AKAP13: variants seen among roughly 807,000 people sequenced by gnomAD.
The protein encoded by AKAP13 is A-kinase anchor protein 13.
Under a neutral mutation model 264.5 loss-of-function variants are expected in AKAP13, and 80 were observed. The ratio of observed to expected loss-of-function variants is 0.30; its 90% confidence interval spans 0.25 to 0.36. AKAP13 has a LOEUF of 0.36. Among genes scored for constraint, AKAP13 ranks in the 10% least tolerant of loss-of-function variants. AKAP13 has a pLI of 1.00. For missense variants in AKAP13, 3,712 were observed against 3,435.2 expected, an observed-to-expected ratio of 1.08 and a Z score of -2.01; for synonymous variants, 1,380 against 1,250.2, an observed-to-expected ratio of 1.10 and a Z score of -2.19.
At chr15:85,692,767 G>A (rs193302551) in intron 16 of AKAP13, among the ~76,000 whole-genome samples, 17 of 152,226 alleles carry the variant, frequency 1.1e-4, no homozygotes, top group African/African-American at 1.4e-4. Context: ...TACATACTCC[G>A]TCACTTAGGG....
At position 85,396,023 on chromosome 15, in the gene AKAP13, C is replaced by CAT. The variant is rs1399587188; in HGVS notation, c.-12+15226_-12+15227insTA. Among the ~76,000 whole-genome samples, 5 of 42,892 alleles carry CAT rather than the reference C, an allele frequency of 1.2e-4. No homozygotes were observed. In the South Asian group the frequency reaches 1.3e-3, roughly 11 times the overall value. 28.1% of individuals were successfully genotyped at this position (42,892 alleles called of 152,430 possible). On this transcript the variant is annotated intron_variant, in intron 1 of 36. Transcript: ENST00000394518. ...ATGAATTTTTGACTATACATACATA[C>CAT]ACACACACACACACACACACATACA... is the stretch of plus-strand genomic sequence containing the variant.
intron 13 of AKAP13, among the ~76,000 whole-genome samples, chr15:85,668,698 T>C (rs920739303): frequency 6.6e-6 from 1 of 152,128 alleles, no homozygotes; most frequent in Non-Finnish European, 1.5e-5. Flanking sequence ...TCCCAGCACT[T>C]TGGGAGGCTG....
intron 1 of AKAP13, among the ~76,000 whole-genome samples, chr15:85,462,487 C>T (rs913513105): frequency 4.6e-5 from 7 of 152,106 alleles, no homozygotes; most frequent in South Asian, 4.1e-4. Context: ...CCAGAGTTGC[C>T]ACAATGCCCA....
At chr15:85,562,929 G>A (rs2078456657) in intron 5 of AKAP13, among the ~76,000 whole-genome samples, 1 of 150,214 alleles carries the variant, frequency 6.7e-6, no homozygotes, top group Admixed American at 6.6e-5. Context: ...GGCCAGGCTG[G>A]TCTCAAACTC....
intron 8 of AKAP13, among the ~76,000 whole-genome samples, chr15:85,612,168 T>C (rs2080663136): frequency 1.3e-5 from 2 of 152,358 alleles, no homozygotes; most frequent in East Asian, 1.9e-4. Flanking sequence ...CTGGTTGTTG[T>C]TGAAATTGTT....
In AKAP13 at chr15:85,599,782, T is replaced by C. The variant is rs369101090; in HGVS notation, c.4161+13959T>C. On this transcript the variant is annotated intron_variant, in intron 8 of 36. Transcript: ENST00000394518. ...TGGGTGAGGTGGTTCATGCCTGTAATCCTAGCACTTTGGGAGGCCAAGGTG... is the reference window on the plus strand; with the variant it reads ...TGGGTGAGGTGGTTCATGCCTGTAACCCTAGCACTTTGGGAGGCCAAGGTG... 5.9e-5 allele frequency among the ~76,000 whole-genome samples: 9 copies of C among 152,304 alleles called. No homozygotes were observed. In the East Asian group the frequency reaches 1.4e-3, roughly 23 times the overall value.
rs550644524 is a variant in AKAP13, at chr15:85,402,317, C to G, written c.-12+21519C>G. On this transcript the variant is annotated intron_variant, in intron 1 of 36. Coordinates refer to ENST00000394518, the MANE Select transcript of AKAP13 (RefSeq NM_007200.5). ...GAAGACACTTCCATGGCCAAAAAAT[C>G]AGTTTGGAAACATCTGGACTGAAAT... Among the ~76,000 whole-genome samples, 6 of 152,312 alleles carry G rather than the reference C, an allele frequency of 3.9e-5. No homozygotes were observed. The East Asian group carries it at 1.2e-3, about 29-fold the overall frequency.
intron 3 of AKAP13, among the ~76,000 whole-genome samples, chr15:85,530,194 T>G (rs919119530): frequency 2.0e-5 from 3 of 152,124 alleles, no homozygotes; most frequent in African/African-American, 7.2e-5. Flanking sequence ...CCATCCCGCG[T>G]TGTTCTGTTT....
chr15:85,435,863 T>A (rs1229473386), intron 1 of AKAP13, among the ~76,000 whole-genome samples: 2 of 147,060 alleles, frequency 1.4e-5, no homozygotes, highest in Non-Finnish European at 3.0e-5. Flanking sequence ...TGCAAAATCA[T>A]GCCAAAATGT....
At chr15:85,385,388 A>C (rs1339758334) in intron 1 of AKAP13, among the ~76,000 whole-genome samples, 2 of 152,144 alleles carry the variant, frequency 1.3e-5, no homozygotes, top group Non-Finnish European at 2.9e-5. Flanking sequence ...TTAATTATTC[A>C]TATGTATAGT....
chr15:85,622,947 A>G (rs1247685317), intron 8 of AKAP13, among the ~76,000 whole-genome samples: 2 of 152,172 alleles, frequency 1.3e-5, no homozygotes, highest in African/African-American at 4.8e-5. Flanking sequence ...CAGTGCAGGA[A>G]TTCCTTCTAC....
chr15:85,478,702 A>G (rs1016320853), intron 1 of AKAP13, among the ~76,000 whole-genome samples: 12 of 144,378 alleles, frequency 8.3e-5, no homozygotes, highest in Non-Finnish European at 1.2e-4. Flanking sequence ...CCTTTGTCCC[A>G]CTCCCAACCC....
intron 5 of AKAP13, among the ~76,000 whole-genome samples, chr15:85,565,383 C>T (rs1167604908): frequency 2.6e-5 from 4 of 152,158 alleles, no homozygotes; most frequent in Non-Finnish European, 5.9e-5. Context: ...CCTCTTAATT[C>T]ACCAACTGAA....
At chr15:85,515,498 C>A (rs192380703) in intron 2 of AKAP13, among the ~76,000 whole-genome samples, 1 of 138,786 alleles carries the variant, frequency 7.2e-6, no homozygotes, top group Non-Finnish European at 1.5e-5. Flanking sequence ...AATCTGTAAA[C>A]CTCATTCAGA....
At chr15:85,461,020 G>A (rs1026044400) in intron 1 of AKAP13, among the ~76,000 whole-genome samples, 1 of 151,878 alleles carries the variant, frequency 6.6e-6, no homozygotes, top group African/African-American at 2.4e-5. Context: ...TGAATATACT[G>A]TCATTGCATC....
chr15:85,555,143 C>T (rs537989891), intron 5 of AKAP13, among the ~76,000 whole-genome samples: 2 of 152,216 alleles, frequency 1.3e-5, no homozygotes, highest in East Asian at 1.9e-4. Context: ...GCAGCGAGTT[C>T]CCTACGGATA....
chr15:85,537,133 TATTA>T (rs1218292026), intron 4 of AKAP13: 4 of 150,056 alleles, frequency 2.7e-5, no homozygotes, highest in Non-Finnish European at 4.4e-5. Context: ...TAAATTGTTC[TATTA>T]ATTGATGATT....
intron 15 of AKAP13, 52 bp from the exon 16 acceptor site, chr15:85,684,689 A>G: frequency 6.4e-7 from 1 of 1,555,352 alleles, no homozygotes; most frequent in East Asian, 2.3e-5. Context: ...CTTCACTTTT[A>G]TTTAACTTCT....
chr15:85,718,295 G>C lies in AKAP13; in HGVS notation c.6001+136G>C. ...AAAGATTTCCTTTAAAAACTTTAAG[G>C]TACAGAGACGTGGTCCTGTTGGTAT... On this transcript the variant is annotated intron_variant, in intron 22 of 36. Transcript: ENST00000394518. The surrounding 1 kb of genome is among the most constrained non-coding windows in gnomAD (Gnocchi z 4.9). 1 of 1,028,626 alleles carries C rather than the reference G, an allele frequency of 9.7e-7. No individual in the cohort carries two copies. Among genetic ancestry groups the C allele is most frequent in the Non-Finnish European group, 1.4e-6 (1 of 716,618 alleles). The allele number at this position is 1,028,626 out of a possible 1,614,324, so 63.7% of individuals were successfully genotyped here.
Sources: allele counts gnomAD v4.1 joint callset (sites outside exome capture counted in the v4.1 genomes callset), GRCh38; gene constraint gnomAD v4.1.1; non-coding constraint Gnocchi (gnomAD v3.1); transcripts MANE v1.5; gene names NCBI Gene and HGNC (gene_info 2026-07-23, HGNC 2026-07-21).